The following MIPEP variants were observed in gnomAD, a reference collection of about 807,000 sequenced individuals.
MIPEP encodes the protein mitochondrial intermediate peptidase.
Under a neutral mutation model 90.3 loss-of-function variants are expected in MIPEP, and 79 were observed. The ratio of observed to expected loss-of-function variants is 0.87; its 90% CI spans 0.73 to 1.05. The LOEUF (loss-of-function observed/expected upper bound fraction) is 1.05, where lower values mean the gene tolerates loss of function less well. Ranked by LOEUF, MIPEP falls within the 50% of genes least tolerant of loss-of-function variation. MIPEP has a pLI of 0.00. For synonymous variants in MIPEP, 334 were observed against 315.8 expected (o/e 1.06, Z -0.61); for missense variants, 940 against 905.6 (o/e 1.04, Z -0.49).
intron 10 of MIPEP, among the ~76,000 whole-genome samples, chr13:23,844,542 A>C (rs1265687964): frequency 6.6e-6 from 1 of 152,252 alleles, no homozygotes; most frequent in Non-Finnish European, 1.5e-5. Flanking sequence ...CCTACTACCA[A>C]GGCAAGAAAG....
At chr13:23,747,218 C>T (rs568373325) in intron 18 of MIPEP, among the ~76,000 whole-genome samples, 3 of 152,310 alleles carry the variant, frequency 2.0e-5, no homozygotes, top group African/African-American at 7.2e-5. Flanking sequence ...CCATGACCCA[C>T]CTGGCACATT....
At chr13:23,823,756 AAT>A (rs1444970947) in intron 14 of MIPEP, among the ~76,000 whole-genome samples, 1 of 152,172 alleles carries the variant, frequency 6.6e-6, no homozygotes, top group African/African-American at 2.4e-5. Flanking sequence ...TCAGCCCAAG[AAT>A]TTGAGGTTTC....
intron 16 of MIPEP, among the ~76,000 whole-genome samples, chr13:23,801,724 C>G (rs1953044668): frequency 6.6e-6 from 1 of 152,174 alleles, no homozygotes; most frequent in East Asian, 1.9e-4. Flanking sequence ...ATTTATTTCA[C>G]TTTACCTTAT....
At chr13:23,879,760 C>A (rs1471398102) in intron 3 of MIPEP, among the ~76,000 whole-genome samples, 1 of 152,158 alleles carries the variant, frequency 6.6e-6, no homozygotes, top group Non-Finnish European at 1.5e-5. Flanking sequence ...AGCCACCCAA[C>A]TGGGATGCAA....
intron 8 of MIPEP, among the ~76,000 whole-genome samples, chr13:23,863,160 A>T (rs1254309323): frequency 2.6e-5 from 4 of 152,236 alleles, no homozygotes; most frequent in African/African-American, 9.6e-5. Flanking sequence ...AATTTTAGAC[A>T]GCATTACAAG....
chr13:23,834,155 C>T (rs938229024), intron 14 of MIPEP, among the ~76,000 whole-genome samples: 1 of 152,134 alleles, frequency 6.6e-6, no homozygotes, highest in South Asian at 2.1e-4. Flanking sequence ...GCCGAGCCCC[C>T]GGAGCCGGAG....
intron 14 of MIPEP, among the ~76,000 whole-genome samples, chr13:23,827,617 A>G (rs771097195): frequency 7.2e-5 from 11 of 152,248 alleles, no homozygotes; most frequent in Non-Finnish European, 1.6e-4. Flanking sequence ...AATGACAAAG[A>G]AAAATCATAA....
Position 23,886,522 on chromosome 13 carries a change from T to A in MIPEP, c.190-16A>T. ...CAAAAAGACCCTTAGAACCAAAGAA[T>A]ACGTCTGATTTATAACCAAAATTCA... On this transcript the variant is annotated splice_polypyrimidine_tract_variant and intron_variant, in intron 1 of 18. Transcript: ENST00000382172. The A allele has an allele frequency of 1.3e-6, 2 of 1,520,012 alleles. No homozygotes were observed. Among genetic ancestry groups the A allele is most frequent in the Non-Finnish European group, 1.8e-6 (2 of 1,133,806 alleles). The allele number at this position is 1,520,012 out of a possible 1,614,324, so 94.2% of individuals were successfully genotyped here. A position where few individuals can be genotyped will look rare whatever the true frequency, so the allele number is the denominator to read the frequency against.
rs1952628627 is a variant in MIPEP at position 23,769,616 on chromosome 13, T to TC, written c.1849-9400dup. On this transcript the variant is annotated intron_variant, in intron 16 of 18. Coordinates refer to ENST00000382172, the MANE Select transcript of MIPEP (RefSeq NM_005932.4). ...TGGGCTTTGTGGGCAGAGGCTCCAT[T>TC]CCTGTAGGGGCTCATAGCTTTAGAA... 2.6e-5 allele frequency among the ~76,000 whole-genome samples: 4 copies of TC among 152,294 alleles called. 1 individual carries two copies. Among genetic ancestry groups the TC allele is most frequent in the Middle Eastern group, 6.8e-3 (2 of 294 alleles).
rs530175415 is a variant in MIPEP at position 23,834,123 on chromosome 13, C to T, written c.1653+2117G>A. Among the ~76,000 whole-genome samples the T allele has an allele frequency of 9.2e-5, 14 of 152,224 alleles. No homozygotes were observed. In the South Asian group the frequency reaches 2.3e-3, roughly 25 times the overall value. On this transcript the variant is annotated intron_variant, in intron 14 of 18. Transcript: ENST00000382172. ...CAAGGGTGGGTGGAGAGAGGCCACG[C>T]GCCCGGGATGAGGGGAGAGGGGCCG...
intron 18 of MIPEP, among the ~76,000 whole-genome samples, chr13:23,731,722 A>G (rs924787966): frequency 1.3e-5 from 2 of 152,178 alleles, no homozygotes; most frequent in African/African-American, 4.8e-5. Flanking sequence ...CTCACAAAAC[A>G]TATCTCACGT....
chr13:23,730,310 C>T lies in MIPEP; in HGVS notation c.*38G>A. 1 of 1,321,190 alleles carries T rather than the reference C, an allele frequency of 7.6e-7. No individual in the cohort carries two copies. The highest frequency in any genetic ancestry group is 1.1e-6 in the Non-Finnish European group (1 of 922,750). 81.8% of individuals were successfully genotyped at this position (1,321,190 alleles called of 1,614,324 possible). A position where few individuals can be genotyped will look rare whatever the true frequency, so the allele number is the denominator to read the frequency against. On this transcript the variant is annotated 3_prime_UTR_variant, in exon 19 of 19. Transcript: ENST00000382172. ...GTAGCATTTATAACAAAGTCATTAT[C>T]TACATGACCTTGATTTAAGAGGTGT...
chr13:23,879,093 T>C (rs1232885906), intron 4 of MIPEP, among the ~76,000 whole-genome samples, 175 bp downstream of exon 4: 5 of 152,096 alleles, frequency 3.3e-5, no homozygotes, highest in Admixed American at 3.3e-4. Context: ...GTGCAAAGAT[T>C]TTGGAGGAGA....
chr13:23,802,939 A>C (rs1953061911), intron 16 of MIPEP, among the ~76,000 whole-genome samples: 1 of 152,352 alleles, frequency 6.6e-6, no homozygotes, highest in South Asian at 2.1e-4. Context: ...TATGACATTC[A>C]GCAGTGTAGG....
At chr13:23,765,628 C>T (rs146268846) in intron 16 of MIPEP, among the ~76,000 whole-genome samples, 28 of 152,154 alleles carry the variant, frequency 1.8e-4, no homozygotes, top group Non-Finnish European at 3.1e-4. Context: ...ATAAACTTCC[C>T]AAGGGCATGG....
At chr13:23,748,085 G>A (rs1029835359) in intron 18 of MIPEP, among the ~76,000 whole-genome samples, 1 of 151,670 alleles carries the variant, frequency 6.6e-6, no homozygotes, top group Non-Finnish European at 1.5e-5. Context: ...TACCCAGGCT[G>A]GAGTGAGTGC....
At chr13:23,883,393 TG>T (rs1448454875) in intron 2 of MIPEP, among the ~76,000 whole-genome samples, 1 of 152,224 alleles carries the variant, frequency 6.6e-6, no homozygotes, top group African/African-American at 2.4e-5. Flanking sequence ...CAGTGAATTC[TG>T]GGATTTGTGA....
At chr13:23,805,181 T>A (rs1028376611) in intron 16 of MIPEP, among the ~76,000 whole-genome samples, 1 of 152,204 alleles carries the variant, frequency 6.6e-6, no homozygotes. Context: ...AAGGCCTGGG[T>A]AACATTAAGT....
intron 14 of MIPEP, among the ~76,000 whole-genome samples, chr13:23,814,561 C>A (rs912401475): frequency 6.6e-6 from 1 of 152,052 alleles, no homozygotes; most frequent in African/African-American, 2.4e-5. Flanking sequence ...ACGCCTGGTC[C>A]CATACTTATT....
Sources: gnomAD v4.1 joint callset for allele counts (sites outside exome capture counted in the v4.1 genomes callset) on GRCh38, gnomAD v4.1.1 for gene constraint, MANE v1.5 for transcripts, NCBI Gene and HGNC (gene_info 2026-07-23, HGNC 2026-07-21) for gene names.